The following RAD51C variants were observed in gnomAD, a reference collection of about 807,000 sequenced individuals.
The protein encoded by RAD51C is DNA repair protein RAD51 homolog 3.
A neutral mutation model predicts 45.0 loss-of-function variants in RAD51C; 42 were observed. The observed-to-expected ratio is 0.93, with a 90% CI of 0.73 to 1.21. The LOEUF is 1.21. RAD51C is among the 50% of genes most tolerant of loss of function. The probability of loss-of-function intolerance (pLI) is 0.00; values close to 1 mark genes in which losing one functional copy is unlikely to be tolerated. For synonymous variants in RAD51C, 172 were observed against 159.8 expected, an observed-to-expected ratio of 1.08 and a Z score of -0.58; for missense variants, 474 against 452.2, an observed-to-expected ratio of 1.05 and a Z score of -0.44.
Position 58,694,981 on chromosome 17 carries a change from A to G in RAD51C, c.196A>G (p.Arg66Gly). ...EALETLQIIRRECLTNKPRYA... is the reference protein window; with the variant it reads ...EALETLQIIRGECLTNKPRYA... ...CTTAGAAACTCTGCAAATTATCAGA[A>G]GAGAATGTCTCACAAATAAACCAAG... The change falls in exon 2 of 9, where the codon AGA becomes GGA. Residue 66 changes from arginine (R) to glycine (G), a missense_variant. Transcript: ENST00000337432. 1.9e-6 allele frequency: 3 copies of G among 1,614,164 alleles called. No homozygotes were observed. The highest frequency in any genetic ancestry group is 2.5e-6 in the Non-Finnish European group (3 of 1,179,994).
intron 5 of RAD51C, among the ~76,000 whole-genome samples, chr17:58,719,949 C>T (rs988986789): frequency 1.3e-5 from 2 of 150,586 alleles, no homozygotes; most frequent in East Asian, 2.0e-4. Flanking sequence ...AGGATGGTCT[C>T]GATCTCCTGA....
rs1327086366 is a variant in RAD51C, at chr17:58,696,857, AG to A, written c.571+1del. 1 of 1,614,008 alleles carries A rather than the reference AG, an allele frequency of 6.2e-7. No individual in the cohort carries two copies. The highest frequency in any genetic ancestry group is 1.1e-5 in the South Asian group (1 of 91,072). On this transcript the variant is annotated frameshift_variant and splice_region_variant, in exon 3 of 9. Transcript: ENST00000337432. LOFTEE classifies it high-confidence loss of function. ...LQLIAEKHKG[E>X]EHRKALEDFT... Reference sequence around the variant, plus strand: ...CTTATAGCAGAAAAACACAAGGGAGAGGGTAAGTTAGTAAATGATCTTCTTT... The same window carrying A: ...CTTATAGCAGAAAAACACAAGGGAGAGGTAAGTTAGTAAATGATCTTCTTT...
At chr17:58,729,879 G>T (rs2049343069) in intron 7 of RAD51C, among the ~76,000 whole-genome samples, 1 of 151,896 alleles carries the variant, frequency 6.6e-6, no homozygotes, top group Non-Finnish European at 1.5e-5. Context: ...CCGACTTTAG[G>T]ATTCTTAACA....
At chr17:58,710,711 T>TAAATAACTC (rs2048530495) in intron 5 of RAD51C, among the ~76,000 whole-genome samples, 1 of 152,138 alleles carries the variant, frequency 6.6e-6, no homozygotes, top group African/African-American at 2.4e-5. Flanking sequence ...ACCTAGATGC[T>TAAATAACTC]TTGAGGTAGA....
chr17:58,708,770 A>G (rs868146743), intron 4 of RAD51C, among the ~76,000 whole-genome samples: 5 of 151,640 alleles, frequency 3.3e-5, no homozygotes, highest in Non-Finnish European at 4.4e-5. Flanking sequence ...GGGTTTCACC[A>G]CGTTGGCCAG....
intron 4 of RAD51C, among the ~76,000 whole-genome samples, chr17:58,708,173 C>CT (rs2048436050): frequency 1.3e-5 from 2 of 152,282 alleles, no homozygotes; most frequent in South Asian, 4.1e-4. Context: ...TTTCAGCTCT[C>CT]TACTGTAAAC....
At chr17:58,712,113 C>CT (rs1417768484) in intron 5 of RAD51C, among the ~76,000 whole-genome samples, 7 of 151,828 alleles carry the variant, frequency 4.6e-5, no homozygotes, top group African/African-American at 1.7e-4. Context: ...CTTTGGGAGA[C>CT]TGAGGTGGGC....
intron 3 of RAD51C, among the ~76,000 whole-genome samples, chr17:58,697,590 A>T (rs1028319312): frequency 1.3e-5 from 2 of 149,600 alleles, no homozygotes; most frequent in African/African-American, 4.9e-5. Context: ...AAATGTTTGG[A>T]TTGTTAAGCA....
chr17:58,719,911 G>A (rs893832988), intron 5 of RAD51C, among the ~76,000 whole-genome samples: 3 of 150,696 alleles, frequency 2.0e-5, no homozygotes, highest in African/African-American at 7.3e-5. Flanking sequence ...TATATTTTTA[G>A]TAGAGACAGG....
intron 3 of RAD51C, among the ~76,000 whole-genome samples, chr17:58,698,900 C>T (rs1202288771): frequency 4.1e-5 from 6 of 147,440 alleles, no homozygotes; most frequent in Admixed American, 1.4e-4. Flanking sequence ...CCATTCTGGG[C>T]GACAAAAGTG....
chr17:58,734,657 C>T lies in RAD51C; in HGVS notation c.*435C>T, dbSNP rs2144067157. The T allele has an allele frequency of 5.7e-6, 1 of 174,868 alleles. No homozygotes were observed. The highest frequency in any genetic ancestry group is 2.6e-5 in the African/African-American group (1 of 37,962). The allele number at this position is 174,868 out of a possible 1,614,324, so 10.8% of individuals were successfully genotyped here. A position where few individuals can be genotyped will look rare whatever the true frequency, so the allele number is the denominator to read the frequency against. On this transcript the variant is annotated 3_prime_UTR_variant, in exon 9 of 9. Coordinates refer to ENST00000337432, the MANE Select transcript of RAD51C (RefSeq NM_058216.3). ...TAGTCCAGGCTGGAGTGCAATGGCG[C>T]AATCTCTGCTCACTGCAACCTCCGC...
At position 58,692,612 on chromosome 17, in the gene RAD51C, TGGCTGCTCCGGGGTTAGCA is replaced by T. The variant is rs2047792344; in HGVS notation, c.-29_-11del. 6.2e-7 allele frequency: 1 copy of T among 1,612,970 alleles called. No homozygotes were observed. The highest frequency in any genetic ancestry group is 1.8e-4 in the Middle Eastern group (1 of 5,526). On this transcript the variant is annotated 5_prime_UTR_variant, in exon 1 of 9. Transcript: ENST00000337432. ...CGCCCCAGCGAGGGCGTGCGGAGTT[TGGCTGCTCCGGGGTTAGCA>T]GGTGAGCCTGCGATGCGCGGGAAGA... is the stretch of plus-strand genomic sequence containing the variant.
rs2143716823 is a variant in RAD51C, at chr17:58,694,922, T to A, written c.146-9T>A. ...AATTAGGGTTCTTTTTTTCTTATTT[T>A]ACTTTCAGAAGTTGGGATATCTAAA... On this transcript the variant is annotated splice_polypyrimidine_tract_variant and intron_variant, in intron 1 of 8. Transcript: ENST00000337432. 1 of 1,606,760 alleles carries A rather than the reference T, an allele frequency of 6.2e-7. No individual in the cohort carries two copies. Among genetic ancestry groups the A allele is most frequent in the Non-Finnish European group, 8.5e-7 (1 of 1,173,478 alleles).
chr17:58,693,095 G>T (rs954000531), intron 1 of RAD51C: 12 of 361,202 alleles, frequency 3.3e-5, no homozygotes, highest in African/African-American at 1.3e-4. Flanking sequence ...ATGGATGAGA[G>T]AACTGATATC....
chr17:58,720,708 A>G, intron 5 of RAD51C, 38 bp from the exon 6 acceptor site: 1 of 1,505,438 alleles, frequency 6.6e-7, no homozygotes, highest in Non-Finnish European at 9.2e-7. Context: ...TAATTTTCAA[A>G]GAGACTCACC....
rs921384146 is a variant in RAD51C at position 58,698,849 on chromosome 17, G to A, written c.571+1990G>A. Among the ~76,000 whole-genome samples, 3 of 150,188 alleles carry A rather than the reference G, an allele frequency of 2.0e-5. No homozygotes were observed. In the East Asian group the frequency reaches 6.2e-4, roughly 31 times the overall value. ...AGGCAGGAGAATCGCTTGAACCCAGGAGGCGGAGGTTGCAGTGAGCCGAGA... is the reference window on the plus strand; with the variant it reads ...AGGCAGGAGAATCGCTTGAACCCAGAAGGCGGAGGTTGCAGTGAGCCGAGA... On this transcript the variant is annotated intron_variant, in intron 3 of 8. Transcript: ENST00000337432.
chr17:58,703,934 T>C lies in RAD51C; in HGVS notation c.705+605T>C, dbSNP rs576824661. Among the ~76,000 whole-genome samples the C allele has an allele frequency of 4.1e-4, 27 of 66,048 alleles. 1 individual carries two copies. In the South Asian group the frequency reaches 9.1e-3, roughly 22 times the overall value. 43.3% of individuals were successfully genotyped at this position (66,048 alleles called of 152,430 possible). A position where few individuals can be genotyped will look rare whatever the true frequency, so the allele number is the denominator to read the frequency against. The stretch of plus-strand genomic sequence containing the variant: ...AGCTACCGTGCCATCATGTATCACC[T>C]TTTTTTTTTTTTTTTTTTTTTTTTT... On this transcript the variant is annotated intron_variant, in intron 4 of 8. Transcript: ENST00000337432.
chr17:58,727,047 T>C (rs1466777777), intron 7 of RAD51C, among the ~76,000 whole-genome samples: 11 of 151,752 alleles, frequency 7.2e-5, no homozygotes, highest in African/African-American at 2.4e-4. Flanking sequence ...GTCTCGATCT[T>C]CTGACCTCGT....
At chr17:58,732,787 A>T in intron 8 of RAD51C, 1 of 449,280 alleles carries the variant, frequency 2.2e-6, no homozygotes, top group Non-Finnish European at 4.0e-6. Flanking sequence ...GTTCCATGCC[A>T]TATGTAATGT....
Sources: gnomAD v4.1 joint callset for allele counts (sites outside exome capture counted in the v4.1 genomes callset) on GRCh38, gnomAD v4.1.1 for gene constraint, MANE v1.5 for transcripts, NCBI Gene and HGNC (gene_info 2026-07-23, HGNC 2026-07-21) for gene names.